Variants in BBS9 observed in about 807,000 individuals in gnomAD.
BBS9 encodes Bardet-Biedl syndrome 9.
BBS9 carries 89 observed loss-of-function variants against 117.7 expected under a neutral mutation model. The ratio of observed to expected loss-of-function variants is 0.76; its 90% CI spans 0.64 to 0.90. The LOEUF (loss-of-function observed/expected upper bound fraction) is 0.90, where lower values mean the gene tolerates loss of function less well. Ranked by LOEUF, BBS9 falls within the 40% of genes least tolerant of loss-of-function variation. The probability of loss-of-function intolerance (pLI) is 0.00; values close to 1 mark genes in which losing one functional copy is unlikely to be tolerated. For synonymous variants in BBS9, 379 were observed against 370.9 expected (o/e 1.02, Z -0.25); for missense variants, 982 against 1,042.2 (o/e 0.94, Z 0.80).
intron 9 of BBS9, among the ~76,000 whole-genome samples, chr7:33,330,449 A>G (rs1029224142): frequency 2.6e-5 from 4 of 152,174 alleles, no homozygotes; most frequent in African/African-American, 9.7e-5. Context: ...TCATATTCTT[A>G]AGCCTATAAC....
At chr7:33,479,102 A>C (rs1200979920) in intron 19 of BBS9, among the ~76,000 whole-genome samples, 1 of 152,026 alleles carries the variant, frequency 6.6e-6, no homozygotes, top group African/African-American at 2.4e-5. Flanking sequence ...TTTTCTTCCA[A>C]CTTTAATTTT....
At chr7:33,156,542 G>C (rs1344123812) in intron 4 of BBS9, among the ~76,000 whole-genome samples, 1 of 152,160 alleles carries the variant, frequency 6.6e-6, no homozygotes, top group Non-Finnish European at 1.5e-5. Context: ...TTTGAGTAAT[G>C]ATGCATATTT....
At position 33,320,558 on chromosome 7, in the gene BBS9, T is replaced by C. The variant is rs190575127; in HGVS notation, c.1017-15883T>C. Among the ~76,000 whole-genome samples the C allele has an allele frequency of 2.0e-5, 3 of 152,314 alleles. No homozygotes were observed. The East Asian group carries it at 5.8e-4, about 29-fold the overall frequency. ...AATAGTGCTGCAATAAACATGAGACTGGATATCTCTCCAATCTACTGATTT... is the reference window on the plus strand; with the variant it reads ...AATAGTGCTGCAATAAACATGAGACCGGATATCTCTCCAATCTACTGATTT... On this transcript the variant is annotated intron_variant, in intron 9 of 22. Transcript: ENST00000242067.
At chr7:33,149,302 G>A (rs1382832689) in intron 2 of BBS9, among the ~76,000 whole-genome samples, 1 of 152,152 alleles carries the variant, frequency 6.6e-6, no homozygotes, top group Non-Finnish European at 1.5e-5. Flanking sequence ...AATGTATACC[G>A]ATGTAGAGAA....
intron 21 of BBS9, among the ~76,000 whole-genome samples, chr7:33,597,885 AAAC>A (rs1206847443): frequency 2.0e-5 from 3 of 148,564 alleles, no homozygotes; most frequent in African/African-American, 7.8e-5. Context: ...AAAAAAAAAA[AAAC>A]AAAACAAAAA....
intron 21 of BBS9, among the ~76,000 whole-genome samples, chr7:33,550,473 T>C (rs1273842181): frequency 6.6e-6 from 1 of 152,190 alleles, no homozygotes; most frequent in Admixed American, 6.5e-5. Flanking sequence ...ACACAACAAT[T>C]TGGCCTATTC....
intron 17 of BBS9, among the ~76,000 whole-genome samples, chr7:33,368,876 A>T (rs545271324): frequency 1.4e-3 from 208 of 152,272 alleles, no homozygotes; most frequent in African/African-American, 4.9e-3. Context: ...TCAATTGGTG[A>T]CTGGTAAAAT....
chr7:33,365,109 T>C (rs745902493), intron 16 of BBS9, among the ~76,000 whole-genome samples: 5 of 151,948 alleles, frequency 3.3e-5, no homozygotes, highest in Non-Finnish European at 7.4e-5. Flanking sequence ...TTTTTTTTCC[T>C]GGTTTGTTGA....
intron 21 of BBS9, among the ~76,000 whole-genome samples, chr7:33,575,305 G>T (rs1585321316): frequency 6.6e-6 from 1 of 151,912 alleles, no homozygotes; most frequent in African/African-American, 2.4e-5. Flanking sequence ...TCTCTTAAAA[G>T]CCTTAAATAA....
intron 6 of BBS9, among the ~76,000 whole-genome samples, chr7:33,261,476 G>A (rs1037378188): frequency 2.0e-5 from 3 of 152,140 alleles, no homozygotes; most frequent in African/African-American, 7.2e-5. Flanking sequence ...AGTCAAGAAT[G>A]TTTTAGCTAT....
chr7:33,187,113 A>G (rs766921058), intron 5 of BBS9, among the ~76,000 whole-genome samples: 21 of 152,264 alleles, frequency 1.4e-4, no homozygotes, highest in Non-Finnish European at 2.8e-4. Flanking sequence ...TTACCTAGTT[A>G]AGACAAACTT....
chr7:33,140,443 A>T (rs1211023574), intron 1 of BBS9, among the ~76,000 whole-genome samples: 2 of 151,890 alleles, frequency 1.3e-5, no homozygotes, highest in Non-Finnish European at 2.9e-5. Context: ...TCATCCTTTT[A>T]TCGTAGCCAT....
intron 20 of BBS9, among the ~76,000 whole-genome samples, chr7:33,528,675 G>T (rs929426286): frequency 6.6e-6 from 1 of 152,172 alleles, no homozygotes; most frequent in Admixed American, 6.5e-5. Flanking sequence ...AATGAATAGT[G>T]TTATTGCTGT....
intron 9 of BBS9, among the ~76,000 whole-genome samples, chr7:33,290,645 AT>A (rs1173241928): frequency 1.3e-5 from 2 of 152,312 alleles, no homozygotes; most frequent in South Asian, 2.1e-4. Flanking sequence ...TTTTTAAAAA[AT>A]TTTTTAGTGT....
intron 21 of BBS9, among the ~76,000 whole-genome samples, chr7:33,612,170 T>C (rs2129215108): frequency 6.6e-6 from 1 of 152,080 alleles, no homozygotes; most frequent in South Asian, 2.1e-4. Context: ...AGCTTTTATT[T>C]TACTAAGTCT....
intron 19 of BBS9, among the ~76,000 whole-genome samples, chr7:33,489,115 C>A (rs533888164): frequency 1.3e-3 from 195 of 151,588 alleles, no homozygotes; most frequent in Non-Finnish European, 2.0e-3. Context: ...GCCTCAGCCT[C>A]CCGAGTAGCT....
chr7:33,579,232 C>T (rs73321074), intron 21 of BBS9, among the ~76,000 whole-genome samples: 10,775 of 152,206 alleles, frequency 0.071, 680 homozygotes, highest in African/African-American at 0.17. Flanking sequence ...CCAAAAAAGA[C>T]AAACCACTTC....
At chr7:33,471,661 G>C (rs1197895070) in intron 19 of BBS9, among the ~76,000 whole-genome samples, 4 of 152,238 alleles carry the variant, frequency 2.6e-5, no homozygotes, top group Non-Finnish European at 1.5e-5. Context: ...GGCAATGGCA[G>C]TGTTAGCTGT....
intron 5 of BBS9, among the ~76,000 whole-genome samples, chr7:33,220,700 C>G (rs1353810982): frequency 6.6e-6 from 1 of 152,170 alleles, no homozygotes; most frequent in South Asian, 2.1e-4. Flanking sequence ...GCCTATTGTA[C>G]ATTGTCCAAT....
Sources: allele counts gnomAD v4.1 joint callset (sites outside exome capture counted in the v4.1 genomes callset), GRCh38; gene constraint gnomAD v4.1.1; transcripts MANE v1.5; gene names NCBI Gene and HGNC (gene_info 2026-07-23, HGNC 2026-07-21).